The following IPP variants were observed in gnomAD, a reference collection of about 807,000 sequenced individuals.
IPP encodes intracisternal A particle-promoted polypeptide, also known as actin-binding protein IPP.
IPP carries 41 observed loss-of-function variants against 64.1 expected under a neutral mutation model. The observed-to-expected ratio is 0.64, with a 90% confidence interval of 0.50 to 0.83. The LOEUF is 0.83. IPP is among the 40% of genes least tolerant of loss of function. IPP has a pLI of 0.00. For synonymous variants in IPP, 214 were observed against 235.2 expected (o/e 0.91, Z 0.83); for missense variants, 649 against 703.0 (o/e 0.92, Z 0.87).
rs1295014346 is a variant in IPP at position 45,741,325 on chromosome 1, C to G, written c.300G>C (p.Val100=). The G allele has an allele frequency of 1.3e-6, 2 of 1,598,184 alleles. No individual in the cohort carries two copies. The highest frequency in any genetic ancestry group is 3.5e-5 in the Admixed American group (2 of 57,722). ...CCTGGACATTATTCACACCTATGTTCACTATACCTAGAGAAGTAGGAAGAC... is the reference window on the plus strand; with the variant it reads ...CCTGGACATTATTCACACCTATGTTGACTATACCTAGAGAAGTAGGAAGAC... ...ILLDFIYTGI[V]NIGVNNVQEL... Residue 100 remains valine, a synonymous_variant, in exon 3 of 9, where the codon GTG becomes GTC. Coordinates refer to ENST00000396478, the MANE Select transcript of IPP (RefSeq NM_005897.3).
chr1:45,703,657 G>A (rs1245342618), intron 8 of IPP, among the ~76,000 whole-genome samples: 7 of 151,970 alleles, frequency 4.6e-5, no homozygotes, highest in Non-Finnish European at 8.8e-5. Context: ...AGATTTCCTT[G>A]AATATAGTTG....
downstream of IPP, among the ~76,000 whole-genome samples, chr1:45,695,583 C>A (rs1645379958): frequency 1.3e-5 from 2 of 151,772 alleles, no homozygotes; most frequent in South Asian, 4.1e-4. Flanking sequence ...TTCTGAAATT[C>A]CTAGTCTCAC....
intron 1 of IPP, among the ~76,000 whole-genome samples, chr1:45,747,436 C>T (rs1485853956): frequency 6.6e-6 from 1 of 152,154 alleles, no homozygotes; most frequent in Non-Finnish European, 1.5e-5. Flanking sequence ...GTCTCAGTAT[C>T]TGAATCCAGG....
intron 8 of IPP, 23 bp downstream of exon 8, chr1:45,714,223 A>G: frequency 2.0e-6 from 3 of 1,491,942 alleles, no homozygotes; most frequent in Non-Finnish European, 2.8e-6. Flanking sequence ...AGGATACTAA[A>G]TATCTGAAAT....
Position 45,698,722 on chromosome 1 carries a change from T to TTC in IPP, c.*1243_*1244insGA. The TTC allele has an allele frequency of 3.5e-6, 1 of 283,830 alleles. No homozygotes were observed. The highest frequency in any genetic ancestry group is 4.4e-6 in the Non-Finnish European group (1 of 225,422). 17.6% of individuals were successfully genotyped at this position (283,830 alleles called of 1,614,324 possible). A position where few individuals can be genotyped will look rare whatever the true frequency, so the allele number is the denominator to read the frequency against. On this transcript the variant is annotated 3_prime_UTR_variant, in exon 9 of 9. Coordinates refer to ENST00000396478, the MANE Select transcript of IPP (RefSeq NM_005897.3). ...AAAAGGAAGAATTTTTTTTTCTTTT[T>TTC]TTTTTTTTTTTTTTGAGACAGGTTC... is the stretch of plus-strand genomic sequence containing the variant.
rs1193346561 is a variant in IPP at position 45,741,005 on chromosome 1, C to T, written c.620G>A (p.Trp207Ter). The part of the protein sequence containing the change: ...EYQVFLAAMQ[W>*]ILKDLGKRRK... ...TCTTTTTCCCAAATCTTTCAGAATC[C>T]ATTGCATTGCAGCTAAGAAGACCTG... The change falls in exon 3 of 9, where the codon TGG becomes TAG. Residue 207 changes from tryptophan to a stop codon, truncating the protein, a stop_gained. Coordinates refer to ENST00000396478, the MANE Select transcript of IPP (RefSeq NM_005897.3). LOFTEE classifies it high-confidence loss of function. 3 of 1,613,802 alleles carry T rather than the reference C, an allele frequency of 1.9e-6. No individual in the cohort carries two copies. In the African/African-American group the frequency reaches 4.0e-5, roughly 22 times the overall value.
intron 4 of IPP, among the ~76,000 whole-genome samples, chr1:45,729,007 A>C (rs1463453447): frequency 1.3e-5 from 2 of 151,214 alleles, no homozygotes; most frequent in African/African-American, 4.8e-5. Context: ...TTAGCTGGGC[A>C]TGGTGGCGCA....
intron 8 of IPP, among the ~76,000 whole-genome samples, chr1:45,703,002 G>A (rs181386693): frequency 5.3e-5 from 8 of 152,168 alleles, no homozygotes; most frequent in Admixed American, 2.0e-4. Flanking sequence ...ACATTGTACT[G>A]GAGGTTCTAG....
At chr1:45,740,857 C>T in intron 3 of IPP, 44 bp downstream of exon 3, 7 of 1,266,086 alleles carry the variant, frequency 5.5e-6, no homozygotes, top group Non-Finnish European at 7.7e-6. Flanking sequence ...GAACACATCA[C>T]TGGATAATTA....
intron 8 of IPP, among the ~76,000 whole-genome samples, chr1:45,713,054 T>C (rs956198754): frequency 6.6e-6 from 1 of 151,980 alleles, no homozygotes; most frequent in Non-Finnish European, 1.5e-5. Context: ...ATTTACAGTT[T>C]CTATTATAGA....
chr1:45,699,880 T>C lies in IPP; in HGVS notation c.*86A>G. On this transcript the variant is annotated 3_prime_UTR_variant, in exon 9 of 9. Coordinates refer to ENST00000396478, the MANE Select transcript of IPP (RefSeq NM_005897.3). ...ATGGAAAACTCACAGAATCAGAGGG[T>C]CTTATCACCAAATCTATGTTTGCTT... The C allele has an allele frequency of 1.3e-6, 2 of 1,554,456 alleles. No homozygotes were observed. Among genetic ancestry groups the C allele is most frequent in the Admixed American group, 1.9e-5 (1 of 52,876 alleles).
chr1:45,694,592 T>C (rs955258500), downstream of IPP: 7 of 769,300 alleles, frequency 9.1e-6, no homozygotes, highest in African/African-American at 1.2e-4. Flanking sequence ...TTATTTCACA[T>C]GGTATAACCC....
chr1:45,736,420 T>C (rs1206444468), intron 3 of IPP, among the ~76,000 whole-genome samples: 1 of 152,144 alleles, frequency 6.6e-6, no homozygotes, highest in Non-Finnish European at 1.5e-5. Context: ...TACAATAATA[T>C]ATATACTATG....
downstream of IPP, chr1:45,694,541 A>C (rs1645370148): frequency 6.9e-6 from 9 of 1,303,300 alleles, no homozygotes; most frequent in Middle Eastern, 7.1e-4. Context: ...AGTTCCATTG[A>C]GTTTTCACAG....
chr1:45,717,004 T>G lies in IPP; in HGVS notation c.1200A>C (p.Gly400=). ...GTTCAATGGTGTTCCCTATCTCAGC[T>G]CCAACCCATCCACCTGTAATGAAAT... ...GAIYALGGWV[G]AEIGNTIERF... Residue 400 remains glycine, a synonymous_variant, in exon 7 of 9, where the codon GGA becomes GGC. Coordinates refer to ENST00000396478, the MANE Select transcript of IPP (RefSeq NM_005897.3). 1 of 1,612,442 alleles carries G rather than the reference T, an allele frequency of 6.2e-7. No individual in the cohort carries two copies. The highest frequency in any genetic ancestry group is 8.5e-7 in the Non-Finnish European group (1 of 1,179,466).
intron 1 of IPP, among the ~76,000 whole-genome samples, chr1:45,748,708 A>G (rs977225732): frequency 6.6e-6 from 1 of 151,988 alleles, no homozygotes; most frequent in Non-Finnish European, 1.5e-5. Context: ...GCGGTGACTC[A>G]CGCCTTTAAT....
chr1:45,694,533 T>C (rs1218681311), downstream of IPP: 5 of 1,395,476 alleles, frequency 3.6e-6, no homozygotes, highest in Non-Finnish European at 5.0e-6. Flanking sequence ...GAAAAGGTAG[T>C]TCCATTGAGT....
chr1:45,716,409 T>A (rs999787137), intron 7 of IPP, among the ~76,000 whole-genome samples: 1 of 152,098 alleles, frequency 6.6e-6, no homozygotes, highest in Non-Finnish European at 1.5e-5. Flanking sequence ...CATGCCCAGC[T>A]AATTTTTGTA....
intron 4 of IPP, among the ~76,000 whole-genome samples, chr1:45,728,535 C>T (rs1346413301): frequency 6.6e-6 from 1 of 151,376 alleles, no homozygotes. Context: ...TGCTCTGTTG[C>T]CCAGGCTGGA....
Sources: allele counts gnomAD v4.1 joint callset (sites outside exome capture counted in the v4.1 genomes callset), GRCh38; gene constraint gnomAD v4.1.1; transcripts MANE v1.5; gene names NCBI Gene and HGNC (gene_info 2026-07-23, HGNC 2026-07-21).